RANBP2: variants seen among roughly 807,000 people sequenced by gnomAD.
The protein encoded by RANBP2 is E3 SUMO-protein ligase RanBP2.
RANBP2 carries 57 observed loss-of-function variants against 303.6 expected under a neutral mutation model. That is an observed-to-expected ratio of 0.19 (90% confidence interval 0.15 to 0.23). The LOEUF (loss-of-function observed/expected upper bound fraction) is 0.23, where lower values mean the gene tolerates loss of function less well. RANBP2 is among the 10% of genes least tolerant of loss of function. The probability of loss-of-function intolerance (pLI) is 1.00; values close to 1 mark genes in which losing one functional copy is unlikely to be tolerated. For synonymous variants in RANBP2, 1,167 were observed against 1,301.5 expected (o/e 0.90, Z 2.23); for missense variants, 3,138 against 3,780.8 (o/e 0.83, Z 4.46).
chr2:109,032,076 CT>C, the RANBP2 span, among the ~76,000 whole-genome samples: 1 of 152,112 alleles, frequency 6.6e-6, no homozygotes, highest in Non-Finnish European at 1.5e-5. Context: ...CTTTCCCTTT[CT>C]TCGGAGCTTT....
the RANBP2 span, among the ~76,000 whole-genome samples, chr2:109,207,395 A>G: frequency 6.6e-6 from 1 of 152,186 alleles, no homozygotes; most frequent in Non-Finnish European, 1.5e-5. Context: ...GAGACAACAT[A>G]AGAAAAAGTG....
the RANBP2 span, among the ~76,000 whole-genome samples, chr2:108,919,765 G>C: frequency 6.6e-6 from 1 of 152,180 alleles, no homozygotes; most frequent in Non-Finnish European, 1.5e-5. Context: ...GTAGGTCAGC[G>C]AGGCTCCGTG....
chr2:109,346,921 A>G, the RANBP2 span, among the ~76,000 whole-genome samples: 1 of 152,150 alleles, frequency 6.6e-6, no homozygotes, highest in African/African-American at 2.4e-5. Flanking sequence ...GCTGTGTGTC[A>G]TGGTGGGGGG....
At chr2:109,468,770 C>T in the RANBP2 span, among the ~76,000 whole-genome samples, 4 of 148,246 alleles carry the variant, frequency 2.7e-5, no homozygotes, top group African/African-American at 1.0e-4. Flanking sequence ...AGGTTAATCG[C>T]TTGAGCCTGG....
chr2:109,747,832 A>AT, the RANBP2 span, among the ~76,000 whole-genome samples: 5 of 141,402 alleles, frequency 3.5e-5, 1 homozygote, highest in South Asian at 1.2e-3. Context: ...AGGTAAACTA[A>AT]TTTTTGTTCC....
the RANBP2 span, among the ~76,000 whole-genome samples, chr2:109,581,807 C>T: frequency 9.2e-5 from 14 of 152,276 alleles, no homozygotes; most frequent in African/African-American, 3.1e-4. Context: ...TCACACAGTA[C>T]TTGAAAGTCC....
the RANBP2 span, among the ~76,000 whole-genome samples, chr2:109,646,452 C>T: frequency 6.6e-6 from 1 of 152,164 alleles, no homozygotes; most frequent in Non-Finnish European, 1.5e-5. Flanking sequence ...AGGAGTAATG[C>T]TCTCCCCTGT....
the RANBP2 span, among the ~76,000 whole-genome samples, chr2:109,336,226 C>T: frequency 3.3e-5 from 5 of 152,204 alleles, no homozygotes; most frequent in African/African-American, 2.4e-5. Flanking sequence ...AGGATTCTCC[C>T]TCACTGGGGA....
At chr2:108,793,193 TA>T in the RANBP2 span, among the ~76,000 whole-genome samples, 39,011 of 145,850 alleles carry the variant, frequency 0.27, 5,380 homozygotes, top group African/African-American at 0.36. Context: ...CTGTCTCTAC[TA>T]AAAAAAAAAA....
the RANBP2 span, among the ~76,000 whole-genome samples, chr2:109,612,315 G>A: frequency 2.0e-5 from 3 of 152,198 alleles, no homozygotes; most frequent in Admixed American, 2.0e-4. Flanking sequence ...GGCAGGGCAG[G>A]AAAGAAGTGT....
the RANBP2 span, among the ~76,000 whole-genome samples, chr2:109,488,300 C>T: frequency 6.6e-6 from 1 of 152,196 alleles, no homozygotes; most frequent in Non-Finnish European, 1.5e-5. Context: ...CAGATGCCAG[C>T]AGCACCCCTG....
the RANBP2 span, chr2:108,876,061 T>TA: frequency 4.8e-6 from 7 of 1,446,598 alleles, no homozygotes; most frequent in Non-Finnish European, 5.8e-6. Context: ...TATGTGTAAT[T>TA]AAATAATGTA....
the RANBP2 span, among the ~76,000 whole-genome samples, chr2:108,966,957 T>TG: frequency 1.3e-5 from 2 of 152,206 alleles, no homozygotes; most frequent in East Asian, 3.9e-4. Flanking sequence ...TTGTTTGAGA[T>TG]GGAGTCTCAC....
chr2:109,142,173 A>G, the RANBP2 span, among the ~76,000 whole-genome samples: 4 of 151,824 alleles, frequency 2.6e-5, no homozygotes, highest in African/African-American at 7.3e-5. Flanking sequence ...AATGCTTCCC[A>G]TGGTCCAGCC....
the RANBP2 span, among the ~76,000 whole-genome samples, chr2:109,051,320 T>A: frequency 6.6e-6 from 1 of 152,204 alleles, no homozygotes; most frequent in Non-Finnish European, 1.5e-5. Flanking sequence ...TCATCCTGGC[T>A]TTTTTGTCTG....
At chr2:109,518,032 G>A in the RANBP2 span, among the ~76,000 whole-genome samples, 3 of 152,206 alleles carry the variant, frequency 2.0e-5, no homozygotes, top group Non-Finnish European at 2.9e-5. Context: ...CTGCAGATAC[G>A]AGCTGCAACT....
chr2:109,614,980 T>C, the RANBP2 span: 6 of 1,539,756 alleles, frequency 3.9e-6, no homozygotes, highest in Non-Finnish European at 5.2e-6. Context: ...GTGCAGCCCC[T>C]ACCGCGGACT....
chr2:109,562,503 T>C, the RANBP2 span, among the ~76,000 whole-genome samples: 106 of 151,854 alleles, frequency 7.0e-4, 1 homozygote, highest in African/African-American at 2.3e-3. Context: ...GCTGAGCAGA[T>C]AGCAGACAAA....
chr2:109,094,176 C>T, the RANBP2 span, among the ~76,000 whole-genome samples: 29,275 of 152,044 alleles, frequency 0.19, 3,543 homozygotes, highest in Middle Eastern at 0.3. Context: ...GAAACATCCC[C>T]AGCCCCCAAT....
Sources: allele counts gnomAD v4.1 joint callset (sites outside exome capture counted in the v4.1 genomes callset), GRCh38; gene constraint gnomAD v4.1.1; transcripts MANE v1.5; gene names NCBI Gene and HGNC (gene_info 2026-07-23, HGNC 2026-07-21).